Variants in SYNPR observed in about 807,000 individuals in gnomAD.
SYNPR encodes the protein synaptoporin.
In SYNPR, 23 loss-of-function variants were observed where a neutral mutation model predicts 32.9. The observed-to-expected ratio is 0.70, with a 90% CI of 0.50 to 0.99. The LOEUF (loss-of-function observed/expected upper bound fraction) is 0.99. Among genes scored for constraint, SYNPR ranks in the 50% least tolerant of loss-of-function variants. SYNPR has a pLI of 0.00. For missense variants in SYNPR, 318 were observed against 349.3 expected (o/e 0.91, Z 0.71); for synonymous variants, 146 against 135.9 (o/e 1.07, Z -0.52).
At chr3:63,603,433 G>GCTA in intron 4 of SYNPR, among the ~76,000 whole-genome samples, 1 of 152,104 alleles carries the variant, frequency 6.6e-6, no homozygotes, top group Non-Finnish European at 1.5e-5. Flanking sequence ...GTTTTCAAGG[G>GCTA]GAATACTTCT....
At chr3:63,606,417 C>CTTTTTTTTT (rs61299069) in intron 4 of SYNPR, among the ~76,000 whole-genome samples, 5,713 of 67,622 alleles carry the variant, frequency 0.084, 1,218 homozygotes, top group Non-Finnish European at 0.1. Context: ...CAAATCCTTT[C>CTTTTTTTTT]TTTTTTTTTT....
At chr3:63,480,995 G>T (rs752781258) in intron 3 of SYNPR, 39 bp downstream of exon 3, 9 of 1,585,136 alleles carry the variant, frequency 5.7e-6, no homozygotes, top group African/African-American at 2.7e-5. Flanking sequence ...CCTCACAGGG[G>T]GTTATTTCTT....
intron 4 of SYNPR, among the ~76,000 whole-genome samples, chr3:63,598,042 C>T (rs1575730658): frequency 6.6e-6 from 1 of 152,300 alleles, no homozygotes; most frequent in East Asian, 1.9e-4. Flanking sequence ...ACTCTCTGAA[C>T]TGTCCAATTT....
intron 1 of SYNPR, among the ~76,000 whole-genome samples, chr3:63,239,884 A>G (rs1011602479): frequency 5.9e-5 from 9 of 152,050 alleles, no homozygotes; most frequent in African/African-American, 2.2e-4. Context: ...CCATCCTACC[A>G]TTGTCACCCA....
intron 2 of SYNPR, chr3:63,444,189 GA>G (rs1046974084): frequency 6.6e-6 from 1 of 152,196 alleles, no homozygotes; most frequent in African/African-American, 2.4e-5. Context: ...CTAATCAGGA[GA>G]AAAGTTGCTG....
chr3:63,439,276 C>G (rs1039748873), intron 2 of SYNPR, among the ~76,000 whole-genome samples: 1 of 152,180 alleles, frequency 6.6e-6, no homozygotes, highest in African/African-American at 2.4e-5. Context: ...TTAACCTTCT[C>G]TATAAATACT....
intron 4 of SYNPR, among the ~76,000 whole-genome samples, chr3:63,589,290 C>T (rs1444919397): frequency 6.6e-6 from 1 of 152,056 alleles, no homozygotes; most frequent in African/African-American, 2.4e-5. Flanking sequence ...TTCCAAAACA[C>T]CAAGGACTTT....
At chr3:63,329,124 A>G (rs2087197570) in intron 2 of SYNPR, among the ~76,000 whole-genome samples, 1 of 152,192 alleles carries the variant, frequency 6.6e-6, no homozygotes, top group African/African-American at 2.4e-5. Flanking sequence ...CAAATGAAAG[A>G]ATTTGACTAT....
At chr3:63,485,971 GT>G (rs1468048853) in intron 3 of SYNPR, among the ~76,000 whole-genome samples, 1 of 152,182 alleles carries the variant, frequency 6.6e-6, no homozygotes, top group African/African-American at 2.4e-5. Flanking sequence ...AGTAATCACT[GT>G]TCTAGATAAT....
chr3:63,312,023 A>G (rs1185178531), intron 2 of SYNPR, among the ~76,000 whole-genome samples: 1 of 152,014 alleles, frequency 6.6e-6, no homozygotes, highest in East Asian at 1.9e-4. Flanking sequence ...GGTCCCTTTT[A>G]GAACCTAGAA....
At chr3:63,489,249 T>C (rs1701212023) in intron 3 of SYNPR, among the ~76,000 whole-genome samples, 1 of 152,114 alleles carries the variant, frequency 6.6e-6, no homozygotes, top group South Asian at 2.1e-4. Flanking sequence ...CAACAGTAAA[T>C]CCATCCGGCA....
rs2086934663 is a variant in SYNPR at position 63,308,943 on chromosome 3, C to T, written c.84+30201C>T. ...TTTTGATCATTATTTTCCGAATTTCCTTTTTGCCCTCCCCTTCTATAGACT... is the reference window on the plus strand; with the variant it reads ...TTTTGATCATTATTTTCCGAATTTCTTTTTTGCCCTCCCCTTCTATAGACT... On this transcript the variant is annotated intron_variant, in intron 2 of 5. Coordinates refer to ENST00000478300, the MANE Select transcript of SYNPR (RefSeq NM_001130003.2). 2.6e-5 allele frequency among the ~76,000 whole-genome samples: 4 copies of T among 151,554 alleles called. No individual in the cohort carries two copies. The South Asian group carries it at 8.4e-4, about 32-fold the overall frequency.
chr3:63,262,535 G>A (rs577138735), intron 2 of SYNPR, among the ~76,000 whole-genome samples: 2 of 152,304 alleles, frequency 1.3e-5, no homozygotes, highest in Non-Finnish European at 2.9e-5. Flanking sequence ...CTGATGGTGA[G>A]AATAGATCCT....
chr3:63,425,878 G>A lies in SYNPR; in HGVS notation c.85-54954G>A, dbSNP rs556200351. 3.3e-5 allele frequency among the ~76,000 whole-genome samples: 5 copies of A among 151,670 alleles called. No homozygotes were observed. In the South Asian group the frequency reaches 6.3e-4, roughly 19 times the overall value. ...GCTCACTGCAACCTCCGCCTCCCAG[G>A]TTCAAGTAATTCTCCTGCCTCAGCC... On this transcript the variant is annotated intron_variant, in intron 2 of 5. Transcript: ENST00000478300.
intron 1 of SYNPR, among the ~76,000 whole-genome samples, chr3:63,232,186 T>A (rs981424545): frequency 7.0e-6 from 1 of 143,260 alleles, no homozygotes; most frequent in Non-Finnish European, 1.5e-5. Context: ...GTATTTCAGA[T>A]TCTGACTTTT....
At chr3:63,390,876 C>T (rs73846587) in intron 2 of SYNPR, among the ~76,000 whole-genome samples, 74 of 152,304 alleles carry the variant, frequency 4.9e-4, no homozygotes, top group African/African-American at 1.7e-3. Flanking sequence ...CTCAACTCCT[C>T]CAGAGCCCTC....
intron 2 of SYNPR, among the ~76,000 whole-genome samples, chr3:63,381,392 C>G (rs370185779): frequency 1.2e-4 from 19 of 152,176 alleles, no homozygotes; most frequent in South Asian, 4.1e-4. Flanking sequence ...CACTGCTCAA[C>G]GAAATAAAAG....
chr3:63,281,554 A>G (rs1020003075), intron 2 of SYNPR, among the ~76,000 whole-genome samples: 14 of 152,184 alleles, frequency 9.2e-5, no homozygotes, highest in African/African-American at 2.9e-4. Context: ...TGGTTCACAG[A>G]TGGAGCCTTC....
intron 4 of SYNPR, among the ~76,000 whole-genome samples, chr3:63,589,606 C>A (rs903390200): frequency 6.6e-6 from 1 of 150,888 alleles, no homozygotes; most frequent in African/African-American, 2.4e-5. Context: ...GCTTATCCAC[C>A]ATGATCAAGT....
Sources: gnomAD v4.1 joint callset for allele counts (sites outside exome capture counted in the v4.1 genomes callset) on GRCh38, gnomAD v4.1.1 for gene constraint, MANE v1.5 for transcripts, NCBI Gene and HGNC (gene_info 2026-07-23, HGNC 2026-07-21) for gene names.